The following AUTS2 variants were observed in gnomAD, a reference collection of about 807,000 sequenced individuals.
The protein encoded by AUTS2 is activator of transcription and developmental regulator AUTS2.
AUTS2 carries 17 observed loss-of-function variants against 112.4 expected under a neutral mutation model. That is an observed-to-expected ratio of 0.15 (90% CI 0.10 to 0.23). AUTS2 has a LOEUF of 0.23. AUTS2 is among the 10% of genes least tolerant of loss of function. The probability of loss-of-function intolerance (pLI) is 1.00; values close to 1 mark genes in which losing one functional copy is unlikely to be tolerated. For missense variants in AUTS2, 1,510 were observed against 1,701.6 expected (o/e 0.89, Z 1.98); for synonymous variants, 751 against 702.7 (o/e 1.07, Z -1.09).
rs34869843 is a variant in AUTS2, at chr7:70,418,075, C to CTGTGTGTGTGTGTGTGTGTG, written c.661-17659_661-17640dup. On this transcript the variant is annotated intron_variant, in intron 4 of 18. Transcript: ENST00000342771. ...TCACCCAGGCTTGGTGGCTAACTTTCTGTGTGTGTGTGTGTGTGTGTGTGT... is the reference window on the plus strand; with the variant it reads ...TCACCCAGGCTTGGTGGCTAACTTTCTGTGTGTGTGTGTGTGTGTGTGTGTGTGTGTGTGTGTGTGTGTGT... Among the ~76,000 whole-genome samples, 276 of 136,456 alleles carry CTGTGTGTGTGTGTGTGTGTG rather than the reference C, an allele frequency of 2.0e-3. 3 individuals are homozygous for CTGTGTGTGTGTGTGTGTGTG. Among genetic ancestry groups the CTGTGTGTGTGTGTGTGTGTG allele is most frequent in the Middle Eastern group, 3.8e-3 (1 of 264 alleles). The allele number at this position is 136,456 out of a possible 152,430, so 89.5% of individuals were successfully genotyped here.
intron 1 of AUTS2, among the ~76,000 whole-genome samples, chr7:69,841,245 G>T (rs779461830): frequency 6.6e-5 from 10 of 152,190 alleles, no homozygotes; most frequent in Non-Finnish European, 1.3e-4. Context: ...TTGGCTCATG[G>T]TTTTGCAGGC....
intron 4 of AUTS2, among the ~76,000 whole-genome samples, chr7:70,397,658 T>TGCACAC (rs1554391537): frequency 6.7e-6 from 1 of 149,456 alleles, no homozygotes; most frequent in African/African-American, 2.4e-5. Flanking sequence ...TACATGTATG[T>TGCACAC]ACACACACAC....
At chr7:70,404,047 C>T (rs914118585) in intron 4 of AUTS2, among the ~76,000 whole-genome samples, 2 of 152,142 alleles carry the variant, frequency 1.3e-5, no homozygotes, top group East Asian at 1.9e-4. Flanking sequence ...TTCTGCACAC[C>T]TTATCCGTCC....
intron 2 of AUTS2, among the ~76,000 whole-genome samples, chr7:69,952,956 C>A (rs554547555): frequency 5.5e-4 from 83 of 152,280 alleles, no homozygotes; most frequent in African/African-American, 1.9e-3. Flanking sequence ...TTGAGGATCA[C>A]TGCATTAGAT....
chr7:69,938,139 C>T (rs1796486438), intron 2 of AUTS2, among the ~76,000 whole-genome samples: 1 of 152,134 alleles, frequency 6.6e-6, no homozygotes. Flanking sequence ...TAATGACTGC[C>T]CATGACCAGC....
Position 69,636,478 on chromosome 7 carries a change from G to A in AUTS2, c.309+36516G>A, listed in dbSNP as rs767926429. On this transcript the variant is annotated intron_variant, in intron 1 of 18. Coordinates refer to ENST00000342771, the MANE Select transcript of AUTS2 (RefSeq NM_015570.4). ...TCGAACTCCTGACCTCAAGTGATCC[G>A]CGCCCCCCCCCCCCCTTGGCCTCCC... Among the ~76,000 whole-genome samples, 39 of 27,558 alleles carry A rather than the reference G, an allele frequency of 1.4e-3. 1 individual carries two copies. The highest frequency in any genetic ancestry group is 1.8e-3 in the African/African-American group (8 of 4,556). 18.1% of individuals were successfully genotyped at this position (27,558 alleles called of 152,430 possible).
intron 5 of AUTS2, among the ~76,000 whole-genome samples, chr7:70,518,374 T>C (rs1249815811): frequency 1.3e-5 from 2 of 152,062 alleles, no homozygotes; most frequent in Admixed American, 6.5e-5. Flanking sequence ...GAATGAAGAA[T>C]GAACACTAGA....
intron 14 of AUTS2, among the ~76,000 whole-genome samples, chr7:70,777,385 A>C (rs1790775221): frequency 6.6e-6 from 1 of 152,156 alleles, no homozygotes; most frequent in East Asian, 1.9e-4. Context: ...CTGGAGTACA[A>C]GGGGACAATC....
intron 5 of AUTS2, among the ~76,000 whole-genome samples, chr7:70,477,890 C>A (rs1004283995): frequency 6.6e-6 from 1 of 152,240 alleles, no homozygotes; most frequent in Non-Finnish European, 1.5e-5. Flanking sequence ...GTTGGGTCAT[C>A]CGGGGAACTG....
At position 69,748,416 on chromosome 7, in the gene AUTS2, C is replaced by T. The variant is rs192903875; in HGVS notation, c.309+148454C>T. 4.9e-4 allele frequency among the ~76,000 whole-genome samples: 75 copies of T among 152,242 alleles called. 1 individual carries two copies. Among genetic ancestry groups the T allele is most frequent in the African/African-American group, 1.8e-3 (73 of 41,534 alleles). ...TTAGTGTTGTAAACTTCCACTTATC[C>T]ACAAATCAGATGGGTGGCAGTCTCT... On this transcript the variant is annotated intron_variant, in intron 1 of 18. Transcript: ENST00000342771.
intron 2 of AUTS2, among the ~76,000 whole-genome samples, chr7:69,931,496 C>G (rs1259645781): frequency 6.6e-6 from 1 of 152,116 alleles, no homozygotes; most frequent in East Asian, 1.9e-4. Context: ...TGCCATTGAT[C>G]AGAATGTCTC....
At chr7:70,759,457 G>A (rs12671262) in intron 6 of AUTS2, among the ~76,000 whole-genome samples, 19,883 of 152,194 alleles carry the variant, frequency 0.13, 1,792 homozygotes, top group East Asian at 0.38. Flanking sequence ...AATCTGGATG[G>A]GGATTCTAAT....
chr7:70,001,002 T>C (rs979318833), intron 2 of AUTS2, among the ~76,000 whole-genome samples: 22 of 152,188 alleles, frequency 1.4e-4, no homozygotes, highest in South Asian at 2.1e-4. Flanking sequence ...AAAAGCCTGG[T>C]TGAATTAAGC....
At chr7:69,815,781 G>A (rs1352524318) in intron 1 of AUTS2, among the ~76,000 whole-genome samples, 1 of 152,214 alleles carries the variant, frequency 6.6e-6, no homozygotes, top group East Asian at 1.9e-4. Flanking sequence ...CCAAAGTGCT[G>A]GGATTACAGG....
At chr7:70,554,991 C>G (rs989428928) in intron 5 of AUTS2, among the ~76,000 whole-genome samples, 2 of 152,150 alleles carry the variant, frequency 1.3e-5, no homozygotes, top group African/African-American at 2.4e-5. Context: ...GCAAATATTC[C>G]CTGGGTTCCT....
At chr7:70,561,948 A>T (rs886171472) in intron 5 of AUTS2, among the ~76,000 whole-genome samples, 1 of 152,114 alleles carries the variant, frequency 6.6e-6, no homozygotes, top group Non-Finnish European at 1.5e-5. Flanking sequence ...TGGATCCCTC[A>T]TGAACGGCTT....
chr7:70,398,303 G>C (rs1794174621), intron 4 of AUTS2, among the ~76,000 whole-genome samples: 1 of 152,158 alleles, frequency 6.6e-6, no homozygotes, highest in Non-Finnish European at 1.5e-5. Context: ...TTTAGAATCA[G>C]CTTGTCAACT....
At chr7:70,137,229 T>G (rs2866078) in intron 4 of AUTS2, among the ~76,000 whole-genome samples, 1 of 152,198 alleles carries the variant, frequency 6.6e-6, no homozygotes, top group Non-Finnish European at 1.5e-5. Flanking sequence ...CAAAGAATTC[T>G]TAAAGTAGAC....
At chr7:70,597,792 G>A (rs1449936077) in intron 5 of AUTS2, among the ~76,000 whole-genome samples, 2 of 152,130 alleles carry the variant, frequency 1.3e-5, no homozygotes, top group South Asian at 2.1e-4. Flanking sequence ...AAATCACTAG[G>A]TTTTGAATAC....
Sources: gnomAD v4.1 joint callset for allele counts (sites outside exome capture counted in the v4.1 genomes callset) on GRCh38, gnomAD v4.1.1 for gene constraint, MANE v1.5 for transcripts, NCBI Gene and HGNC (gene_info 2026-07-23, HGNC 2026-07-21) for gene names.